The following SDK1 variants were observed in gnomAD, a reference collection of about 807,000 sequenced individuals.
The protein encoded by SDK1 is sidekick cell adhesion molecule 1.
In SDK1, 157 loss-of-function variants were observed where a neutral mutation model predicts 245.5. The ratio of observed to expected loss-of-function variants is 0.64; its 90% CI spans 0.56 to 0.73. SDK1 has a LOEUF of 0.73. Ranked by LOEUF, SDK1 falls within the 30% of genes least tolerant of loss-of-function variation. The pLI is 0.00. For synonymous variants in SDK1, 1,647 were observed against 1,278.5 expected, an observed-to-expected ratio of 1.29 and a Z score of -6.15; for missense variants, 3,583 against 3,002.3, an observed-to-expected ratio of 1.19 and a Z score of -4.52.
At chr7:3,399,899 G>A (rs934570723) in intron 1 of SDK1, among the ~76,000 whole-genome samples, 4 of 152,120 alleles carry the variant, frequency 2.6e-5, no homozygotes, top group African/African-American at 9.7e-5. Context: ...TGCCCAACTG[G>A]TATGGCCGAC....
chr7:3,374,060 C>T (rs953668024), intron 1 of SDK1, among the ~76,000 whole-genome samples: 1 of 152,108 alleles, frequency 6.6e-6, no homozygotes, highest in Non-Finnish European at 1.5e-5. Flanking sequence ...CATCTCAGTC[C>T]AAATTGTGGA....
intron 5 of SDK1, among the ~76,000 whole-genome samples, chr7:3,863,248 C>T (rs1449701304): frequency 6.6e-6 from 1 of 152,158 alleles, no homozygotes; most frequent in Non-Finnish European, 1.5e-5. Context: ...CTGCTTGCCT[C>T]CTGGGTTCCT....
At chr7:4,022,987 G>C (rs1787042183) in intron 17 of SDK1, among the ~76,000 whole-genome samples, 1 of 151,978 alleles carries the variant, frequency 6.6e-6, no homozygotes, top group Non-Finnish European at 1.5e-5. Context: ...TGTTACCCAG[G>C]ATGGTCTCGA....
chr7:3,536,345 T>G (rs948054471), intron 1 of SDK1, among the ~76,000 whole-genome samples: 3 of 151,982 alleles, frequency 2.0e-5, no homozygotes, highest in Admixed American at 2.0e-4. Flanking sequence ...GGATTATAGG[T>G]GTGAACTGCT....
At chr7:4,006,488 T>G (rs1785496295) in intron 14 of SDK1, among the ~76,000 whole-genome samples, 1 of 152,222 alleles carries the variant, frequency 6.6e-6, no homozygotes, top group Non-Finnish European at 1.5e-5. Context: ...CGGACCCTTT[T>G]AAAGGGATGT....
chr7:3,585,132 A>G (rs774047546), intron 1 of SDK1, among the ~76,000 whole-genome samples: 3 of 152,196 alleles, frequency 2.0e-5, no homozygotes, highest in African/African-American at 7.2e-5. Flanking sequence ...AAACATCAGC[A>G]TGTAATCCTT....
chr7:4,234,633 A>AG (rs1431947858), intron 41 of SDK1, among the ~76,000 whole-genome samples: 2 of 152,170 alleles, frequency 1.3e-5, no homozygotes, highest in Non-Finnish European at 1.5e-5. Flanking sequence ...TGTGCCTGTG[A>AG]GGGACTCAAC....
chr7:3,744,687 C>T (rs929607174), intron 4 of SDK1, among the ~76,000 whole-genome samples: 7 of 152,100 alleles, frequency 4.6e-5, no homozygotes, highest in East Asian at 1.9e-4. Context: ...TGGCGGGTGC[C>T]TGTAGTCTCA....
intron 36 of SDK1, 28 bp downstream of exon 36, chr7:4,206,022 C>A: frequency 1.4e-6 from 2 of 1,438,874 alleles, no homozygotes; most frequent in Non-Finnish European, 9.4e-7. Context: ...GGTTGCCTCC[C>A]CTGGCTCGCT....
chr7:3,469,428 C>G (rs1374897178), intron 1 of SDK1, among the ~76,000 whole-genome samples: 1 of 151,986 alleles, frequency 6.6e-6, no homozygotes. Context: ...GACCTTGTCT[C>G]TTAAAAATAA....
At chr7:3,427,388 G>A (rs527260989) in intron 1 of SDK1, among the ~76,000 whole-genome samples, 6 of 151,842 alleles carry the variant, frequency 4.0e-5, no homozygotes, top group East Asian at 3.9e-4. Context: ...GTGTGGTGGC[G>A]GGCACCTGTA....
At chr7:3,997,570 C>T (rs1035448783) in intron 14 of SDK1, among the ~76,000 whole-genome samples, 5 of 152,202 alleles carry the variant, frequency 3.3e-5, no homozygotes, top group African/African-American at 4.8e-5. Flanking sequence ...TGTTCAATGT[C>T]TGCAGCTCTC....
At chr7:3,819,149 A>G (rs747877563) in intron 4 of SDK1, among the ~76,000 whole-genome samples, 10 of 152,114 alleles carry the variant, frequency 6.6e-5, no homozygotes, top group Non-Finnish European at 1.3e-4. Context: ...TTGGATAGGA[A>G]CAAAGACTTG....
chr7:3,913,853 A>T (rs913328920), intron 5 of SDK1, among the ~76,000 whole-genome samples: 13 of 152,076 alleles, frequency 8.5e-5, no homozygotes, highest in Non-Finnish European at 1.9e-4. Flanking sequence ...TTTTTGCTTC[A>T]CTAACCTTTA....
intron 20 of SDK1, among the ~76,000 whole-genome samples, chr7:4,068,604 T>C (rs1780048217): frequency 6.6e-6 from 1 of 152,110 alleles, no homozygotes; most frequent in East Asian, 1.9e-4. Context: ...TTCTGAGCTG[T>C]ACCAGGGATG....
At chr7:3,961,085 G>A (rs1224428868) in intron 8 of SDK1, among the ~76,000 whole-genome samples, 1 of 152,214 alleles carries the variant, frequency 6.6e-6, no homozygotes, top group African/African-American at 2.4e-5. Context: ...AGGGTAAACT[G>A]CTTGTTAAGT....
At chr7:3,888,343 C>T (rs370075892) in intron 5 of SDK1, among the ~76,000 whole-genome samples, 1 of 152,318 alleles carries the variant, frequency 6.6e-6, no homozygotes, top group African/African-American at 2.4e-5. Flanking sequence ...GCCTGGCCCA[C>T]AGCATCGGGG....
At chr7:4,125,223 A>G (rs1784313472) in intron 25 of SDK1, among the ~76,000 whole-genome samples, 1 of 145,010 alleles carries the variant, frequency 6.9e-6, no homozygotes, top group African/African-American at 2.6e-5. Context: ...GGGTAGATGG[A>G]TAGATGGATG....
At chr7:4,140,191 C>A (rs1362840989) in intron 28 of SDK1, among the ~76,000 whole-genome samples, 1 of 152,160 alleles carries the variant, frequency 6.6e-6, no homozygotes, top group Non-Finnish European at 1.5e-5. Flanking sequence ...GCCTGCACCT[C>A]ACAGGCTGCT....
Sources: gnomAD v4.1 joint callset for allele counts (sites outside exome capture counted in the v4.1 genomes callset) on GRCh38, gnomAD v4.1.1 for gene constraint, MANE v1.5 for transcripts, NCBI Gene and HGNC (gene_info 2026-07-23, HGNC 2026-07-21) for gene names.